Variants in ITGA8 observed in about 807,000 individuals in gnomAD.
ITGA8 encodes the protein integrin alpha-8.
A neutral mutation model predicts 142.3 loss-of-function variants in ITGA8; 91 were observed. The ratio of observed to expected loss-of-function variants is 0.64; its 90% CI spans 0.54 to 0.76. The LOEUF is 0.76. ITGA8 is among the 30% of genes least tolerant of loss of function. The pLI, the probability that ITGA8 is intolerant of heterozygous loss-of-function variation, is 0.00. For missense variants in ITGA8, 1,406 were observed against 1,327.7 expected, an observed-to-expected ratio of 1.06 and a Z score of -0.92; for synonymous variants, 505 against 485.2, an observed-to-expected ratio of 1.04 and a Z score of -0.54.
intron 13 of ITGA8, among the ~76,000 whole-genome samples, chr10:15,622,083 G>A (rs750357457): frequency 9.9e-5 from 15 of 152,094 alleles, no homozygotes; most frequent in African/African-American, 1.9e-4. Flanking sequence ...ACTTGAACCC[G>A]GGAGGTGGAG....
Position 15,718,761 on chromosome 10 carries a change from C to G in ITGA8, c.343+5G>C, listed in dbSNP as rs1311010862. The G allele has an allele frequency of 6.2e-7, 1 of 1,613,694 alleles. No individual in the cohort carries two copies. The highest frequency in any genetic ancestry group is 1.3e-5 in the African/African-American group (1 of 74,906). The stretch of plus-strand genomic sequence containing the variant: ...CCACAGCTTAGAAGGACAAATCTCA[C>G]TTACTGGTGGTGTCAAACGGTATCT... On this transcript the variant is annotated splice_donor_5th_base_variant and intron_variant, in intron 2 of 29. Coordinates refer to ENST00000378076, the MANE Select transcript of ITGA8 (RefSeq NM_003638.3).
chr10:15,656,305 T>A (rs1333570579), intron 10 of ITGA8, among the ~76,000 whole-genome samples: 1 of 152,070 alleles, frequency 6.6e-6, no homozygotes, highest in African/African-American at 2.4e-5. Context: ...CAACAAAAGC[T>A]CCTAAATCTT....
intron 3 of ITGA8, among the ~76,000 whole-genome samples, chr10:15,685,623 A>G (rs1834820199): frequency 6.6e-6 from 1 of 152,232 alleles, no homozygotes; most frequent in Non-Finnish European, 1.5e-5. Flanking sequence ...AACTGATTTG[A>G]TGCCTCATCC....
At position 15,631,796 on chromosome 10, in the gene ITGA8, C is replaced by T. The variant is rs114969547; in HGVS notation, c.1399+12234G>A. On this transcript the variant is annotated intron_variant, in intron 13 of 29. Coordinates refer to ENST00000378076, the MANE Select transcript of ITGA8 (RefSeq NM_003638.3). ...CATTGGACTTCTAGCCCCACCCCCC[C>T]CAAAAAAAGCCATGGCTAAGCAGCA... is the stretch of plus-strand genomic sequence containing the variant. 2.1e-4 allele frequency among the ~76,000 whole-genome samples: 31 copies of T among 151,064 alleles called. 1 individual carries two copies. Among genetic ancestry groups the T allele is most frequent in the African/African-American group, 7.1e-4 (29 of 40,950 alleles).
intron 2 of ITGA8, among the ~76,000 whole-genome samples, chr10:15,706,677 T>C: frequency 6.6e-6 from 1 of 152,182 alleles, no homozygotes. Flanking sequence ...TGGTGTCAAG[T>C]GGTCCTCCTG....
intron 15 of ITGA8, 27 bp downstream of exon 15, chr10:15,613,633 A>G: frequency 7.1e-7 from 1 of 1,404,900 alleles, no homozygotes; most frequent in Non-Finnish European, 1.0e-6. Context: ...TTCACATTGG[A>G]GTTTGAGAAG....
At chr10:15,677,782 C>T in intron 5 of ITGA8, 145 bp from the exon 6 acceptor site, 1 of 598,104 alleles carries the variant, frequency 1.7e-6, no homozygotes, top group Admixed American at 3.3e-5. Context: ...CCTTCGGAGG[C>T]CTGCAGTTCA....
intron 28 of ITGA8, among the ~76,000 whole-genome samples, chr10:15,527,864 C>T (rs1020994182): frequency 6.7e-6 from 1 of 148,362 alleles, no homozygotes; most frequent in Non-Finnish European, 1.5e-5. Flanking sequence ...CTACCATTTC[C>T]AATGGATTCT....
At position 15,660,736 on chromosome 10, in the gene ITGA8, G is replaced by A. The variant is rs1051918317; in HGVS notation, c.891+143C>T. 4.4e-6 allele frequency: 3 copies of A among 675,658 alleles called. No individual in the cohort carries two copies. The African/African-American group carries it at 5.4e-5, about 12-fold the overall frequency. The allele number at this position is 675,658 out of a possible 1,614,324, so 41.9% of individuals were successfully genotyped here. On this transcript the variant is annotated intron_variant, in intron 9 of 29. Coordinates refer to ENST00000378076, the MANE Select transcript of ITGA8 (RefSeq NM_003638.3). Reference sequence around the variant, plus strand: ...GTTTAAGGTAGGTTAGGTAAGCTATGATGTTCGGTGGATTAGGTGTATTAA... The same window carrying A: ...GTTTAAGGTAGGTTAGGTAAGCTATAATGTTCGGTGGATTAGGTGTATTAA...
chr10:15,523,399 G>A (rs1430663564), intron 28 of ITGA8, among the ~76,000 whole-genome samples: 1 of 152,158 alleles, frequency 6.6e-6, no homozygotes. Flanking sequence ...TTTTGAAGCA[G>A]AGAACAACTT....
intron 26 of ITGA8, among the ~76,000 whole-genome samples, chr10:15,549,142 CA>C (rs1833737236): frequency 1.3e-5 from 2 of 149,266 alleles, no homozygotes; most frequent in Non-Finnish European, 3.0e-5. Context: ...CAAAAGGATT[CA>C]TTATAATGAC....
intron 22 of ITGA8, among the ~76,000 whole-genome samples, chr10:15,588,837 T>C (rs1832875073): frequency 6.6e-6 from 1 of 152,206 alleles, no homozygotes; most frequent in African/African-American, 2.4e-5. Context: ...AGAGGCTGTT[T>C]TGAAATGCAG....
chr10:15,677,588 A>T lies in ITGA8; in HGVS notation c.676+4T>A. On this transcript the variant is annotated splice_donor_region_variant and intron_variant, in intron 6 of 29. Transcript: ENST00000378076. ...TGCTTTTCTTGTCTGCCAACAGAAC[A>T]TACCTTGCCAGTAGAAACTCCCAGG... 6.2e-7 allele frequency: 1 copy of T among 1,613,198 alleles called. No homozygotes were observed. Among genetic ancestry groups the T allele is most frequent in the Non-Finnish European group, 8.5e-7 (1 of 1,179,486 alleles).
intron 2 of ITGA8, among the ~76,000 whole-genome samples, chr10:15,690,826 C>T (rs187294875): frequency 6.6e-6 from 1 of 152,210 alleles, no homozygotes; most frequent in East Asian, 1.9e-4. Flanking sequence ...CTGCACCCAC[C>T]TAGAACCAGA....
chr10:15,607,282 C>G (rs1367632429), intron 17 of ITGA8, among the ~76,000 whole-genome samples: 1 of 152,068 alleles, frequency 6.6e-6, no homozygotes, highest in Non-Finnish European at 1.5e-5. Context: ...GCTTTGAATG[C>G]CTAAATATTT....
In ITGA8 at chr10:15,684,080, T is replaced by C. The variant is rs1210586467; in HGVS notation, c.492A>G (p.Glu164=). The stretch of plus-strand genomic sequence containing the variant: ...CATAGCAGGTGCCAACTGGGTCCTT[T>C]TCTGGTGTCGGTTTAAGAGTTCTCC... ...YHWRTLKPTP[E]KDPVGTCYVA... The change falls in exon 4 of 30, where the codon GAA becomes GAG. Residue 164 remains glutamate (E), a synonymous_variant. Coordinates refer to ENST00000378076, the MANE Select transcript of ITGA8 (RefSeq NM_003638.3). 1 of 1,614,048 alleles carries C rather than the reference T, an allele frequency of 6.2e-7. No individual in the cohort carries two copies. The highest frequency in any genetic ancestry group is 8.5e-7 in the Non-Finnish European group (1 of 1,180,012).
rs997826052 is a variant in ITGA8, at chr10:15,676,088, C to T, written c.676+1504G>A. Among the ~76,000 whole-genome samples the T allele has an allele frequency of 6.6e-5, 10 of 152,132 alleles. No homozygotes were observed. The East Asian group carries it at 9.7e-4, about 15-fold the overall frequency. ...GTGAAATTAGCGGGCCACTCCATAC[C>T]ACCCAAGCTCTTCTTCCCTCACTCT... On this transcript the variant is annotated intron_variant, in intron 6 of 29. Transcript: ENST00000378076.
At position 15,719,765 on chromosome 10, in the gene ITGA8, G is replaced by A. The variant is rs1835528090; in HGVS notation, c.7C>T (p.Pro3Ser). The A allele has an allele frequency of 1.0e-5, 14 of 1,350,594 alleles. No homozygotes were observed. The highest frequency in any genetic ancestry group is 1.5e-5 in the African/African-American group (1 of 64,946). The allele number at this position is 1,350,594 out of a possible 1,614,324, so 83.7% of individuals were successfully genotyped here. A position where few individuals can be genotyped will look rare whatever the true frequency, so the allele number is the denominator to read the frequency against. ...CCCCGGGGACCGCGGCTGGCCCCGG[G>A]CGACATCTCCCTCCGCCCCGGTGGG... MS[P>S]GASRGPRGSQ... Residue 3 changes from proline to serine, a missense_variant, in exon 1 of 30, where the codon CCC becomes TCC. Transcript: ENST00000378076.
At chr10:15,533,425 A>T (rs2131544328) in intron 27 of ITGA8, among the ~76,000 whole-genome samples, 1 of 152,190 alleles carries the variant, frequency 6.6e-6, no homozygotes, top group East Asian at 1.9e-4. Flanking sequence ...TTTTTATACA[A>T]TTCGGAAACT....
Sources: gnomAD v4.1 joint callset for allele counts (sites outside exome capture counted in the v4.1 genomes callset) on GRCh38, gnomAD v4.1.1 for gene constraint, MANE v1.5 for transcripts, NCBI Gene and HGNC (gene_info 2026-07-23, HGNC 2026-07-21) for gene names.